The following RIMBP2 variants were observed in gnomAD, a reference collection of about 807,000 sequenced individuals.
RIMBP2 encodes RIMS-binding protein 2.
Under a neutral mutation model 118.6 loss-of-function variants are expected in RIMBP2, and 48 were observed. That is an observed-to-expected ratio of 0.40 (90% CI 0.32 to 0.51). RIMBP2 has a LOEUF of 0.51. Ranked by LOEUF, RIMBP2 falls within the 20% of genes least tolerant of loss-of-function variation. The pLI, the probability that RIMBP2 is intolerant of heterozygous loss-of-function variation, is 0.41. For missense variants in RIMBP2, 1,551 were observed against 1,768.3 expected (o/e 0.88, Z 2.20); for synonymous variants, 762 against 742.9 (o/e 1.03, Z -0.42).
At chr12:130,639,152 C>T (rs1310924171) in intron 1 of RIMBP2, among the ~76,000 whole-genome samples, 2 of 151,994 alleles carry the variant, frequency 1.3e-5, no homozygotes, top group African/African-American at 2.4e-5. Flanking sequence ...CTTTGGGAGG[C>T]CGAGGCGGGT....
At chr12:130,494,393 C>T (rs2048939328) in intron 4 of RIMBP2, among the ~76,000 whole-genome samples, 1 of 152,130 alleles carries the variant, frequency 6.6e-6, no homozygotes, top group African/African-American at 2.4e-5. Flanking sequence ...AATCCCAGCA[C>T]TTTAGGAGGC....
intron 1 of RIMBP2, among the ~76,000 whole-genome samples, chr12:130,646,428 T>TCACCAC (rs2062967842): frequency 2.5e-5 from 3 of 118,650 alleles, no homozygotes; most frequent in Non-Finnish European, 5.8e-5. Context: ...ACCACTTCCC[T>TCACCAC]CTCCACCTCC....
rs1593648633 is a variant in RIMBP2, at chr12:130,525,329, G to A, written c.-216-7412C>T. On this transcript the variant is annotated intron_variant, in intron 2 of 22. Transcript: ENST00000690449. The surrounding 1 kb of genome is among the most constrained non-coding windows in gnomAD (Gnocchi z 4.4). ...CGTGACCTCCAGGAGAGGCTCTGGTGATGGGATAAGCAGAGGGCAGCATCA... is the reference window on the plus strand; with the variant it reads ...CGTGACCTCCAGGAGAGGCTCTGGTAATGGGATAAGCAGAGGGCAGCATCA... Among the ~76,000 whole-genome samples, 1 of 152,230 alleles carries A rather than the reference G, an allele frequency of 6.6e-6. No homozygotes were observed. Among genetic ancestry groups the A allele is most frequent in the Non-Finnish European group, 1.5e-5 (1 of 68,044 alleles).
chr12:130,567,215 A>G (rs2057281947), intron 2 of RIMBP2, among the ~76,000 whole-genome samples: 1 of 152,234 alleles, frequency 6.6e-6, no homozygotes, highest in Non-Finnish European at 1.5e-5. Context: ...ATCATCATCT[A>G]TGGATTCAGA....
intron 1 of RIMBP2, among the ~76,000 whole-genome samples, chr12:130,678,305 G>A (rs4759752): frequency 0.4 from 60,376 of 152,068 alleles, 12,359 homozygotes; most frequent in Middle Eastern, 0.47. Context: ...CGTGTTCAGC[G>A]GCAACATCGT....
At chr12:130,625,835 A>G (rs1375156452) in intron 2 of RIMBP2, among the ~76,000 whole-genome samples, 1 of 152,186 alleles carries the variant, frequency 6.6e-6, no homozygotes, top group African/African-American at 2.4e-5. Context: ...TGTGATCCCT[A>G]GGAGGACTGA....
At chr12:130,591,157 G>T (rs1011469937) in intron 2 of RIMBP2, among the ~76,000 whole-genome samples, 2 of 152,186 alleles carry the variant, frequency 1.3e-5, no homozygotes, top group African/African-American at 4.8e-5. Context: ...AAATTAGGAG[G>T]TTAATAGGAA....
At chr12:130,409,451 T>G (rs1163892655) in intron 19 of RIMBP2, among the ~76,000 whole-genome samples, 2 of 147,476 alleles carry the variant, frequency 1.4e-5, no homozygotes, top group African/African-American at 2.5e-5. Context: ...CATGCGATTC[T>G]CCTGCTTCGG....
intron 2 of RIMBP2, among the ~76,000 whole-genome samples, chr12:130,524,048 G>A (rs569471976): frequency 4.1e-4 from 63 of 152,206 alleles, no homozygotes; most frequent in African/African-American, 1.4e-3. Flanking sequence ...ATGCTTCCTC[G>A]CAGCCTCTGC....
At chr12:130,477,456 A>G (rs1024586011) in intron 5 of RIMBP2, among the ~76,000 whole-genome samples, 1 of 152,174 alleles carries the variant, frequency 6.6e-6, no homozygotes. Flanking sequence ...AAGGTCCTTG[A>G]GACATGGCAG....
intron 4 of RIMBP2, among the ~76,000 whole-genome samples, chr12:130,480,195 TCATACACACACACACA>T (rs1468695532): frequency 1.4e-5 from 1 of 71,316 alleles, no homozygotes; most frequent in African/African-American, 6.0e-5. Flanking sequence ...TCATTTCCTT[TCATACACACACACACA>T]CACACACACA....
At chr12:130,646,129 CTCCACCTCCCTCACCACCT>C (rs2062901433) in intron 1 of RIMBP2, among the ~76,000 whole-genome samples, 1 of 109,782 alleles carries the variant, frequency 9.1e-6, no homozygotes, top group Admixed American at 9.2e-5. Flanking sequence ...CCACCTGCCT[CTCCACCTCCCTCACCACCT>C]GCCTCTCCAC....
chr12:130,438,335 A>AGGG, intron 12 of RIMBP2, 30 bp downstream of exon 12: 1 of 865,014 alleles, frequency 1.2e-6, no homozygotes, highest in African/African-American at 1.7e-5. Flanking sequence ...GGCCTAACAA[A>AGGG]CCCTCCCCAC....
chr12:130,624,349 T>A (rs1299736953), intron 2 of RIMBP2, among the ~76,000 whole-genome samples: 1 of 152,238 alleles, frequency 6.6e-6, no homozygotes, highest in Admixed American at 6.5e-5. Context: ...AAATTTAGTA[T>A]GTAAGTAATG....
intron 19 of RIMBP2, 99 bp downstream of exon 19, chr12:130,412,520 T>G: frequency 1.8e-6 from 2 of 1,102,434 alleles, no homozygotes; most frequent in Non-Finnish European, 1.3e-6. Flanking sequence ...ATTTAAATGA[T>G]GCAATTTGGG....
At chr12:130,673,046 AG>A (rs35549372) in intron 1 of RIMBP2, among the ~76,000 whole-genome samples, 135,480 of 152,186 alleles carry the variant, frequency 0.89, 61,104 homozygotes, top group Middle Eastern at 0.98. Context: ...TCTCAGAAAA[AG>A]GGCAGAGATT....
At chr12:130,510,495 G>A (rs1226109554) in intron 3 of RIMBP2, among the ~76,000 whole-genome samples, 2 of 152,112 alleles carry the variant, frequency 1.3e-5, no homozygotes, top group Non-Finnish European at 2.9e-5. Flanking sequence ...TTGAGATGGA[G>A]TCTCGCTCTG....
chr12:130,474,169 G>T (rs1188029898), intron 5 of RIMBP2, among the ~76,000 whole-genome samples: 1 of 152,138 alleles, frequency 6.6e-6, no homozygotes, highest in Admixed American at 6.5e-5. Context: ...TCAGAATCGG[G>T]TCTCAAGTGG....
At position 130,645,346 on chromosome 12, in the gene RIMBP2, C is replaced by A. The variant is rs1280967748; in HGVS notation, c.-351-16890G>T. Among the ~76,000 whole-genome samples the A allele has an allele frequency of 5.3e-5, 8 of 152,216 alleles. No individual in the cohort carries two copies. In the East Asian group the frequency reaches 1.2e-3, roughly 22 times the overall value. On this transcript the variant is annotated intron_variant, in intron 1 of 22. Transcript: ENST00000690449. ...AGCTTTTACCAGCACACCGCTCCCC[C>A]AAAACCAACTTCTATTATCCAGAGG...
Sources: gnomAD v4.1 joint callset for allele counts (sites outside exome capture counted in the v4.1 genomes callset) on GRCh38, gnomAD v4.1.1 for gene constraint, Gnocchi (gnomAD v3.1) non-coding constraint, MANE v1.5 for transcripts, NCBI Gene and HGNC (gene_info 2026-07-23, HGNC 2026-07-21) for gene names.